Variants in CFAP54 observed in about 807,000 individuals in gnomAD.
CFAP54 encodes cilia- and flagella-associated protein 54.
In CFAP54, 290 loss-of-function variants were observed where a neutral mutation model predicts 370.4. That is an observed-to-expected ratio of 0.78 (90% CI 0.71 to 0.86). CFAP54 has a LOEUF of 0.86. Among genes scored for constraint, CFAP54 ranks in the 40% least tolerant of loss-of-function variants. CFAP54 has a pLI of 0.00. For synonymous variants in CFAP54, 1,206 were observed against 1,236.5 expected (o/e 0.98, Z 0.52); for missense variants, 3,399 against 3,528.7 (o/e 0.96, Z 0.93).
intron 60 of CFAP54, among the ~76,000 whole-genome samples, chr12:96,768,047 G>A (rs1016576246): frequency 3.9e-5 from 6 of 152,090 alleles, no homozygotes; most frequent in Non-Finnish European, 5.9e-5. Context: ...TTGGCCAGGT[G>A]CAGTGGCTCA....
intron 5 of CFAP54, among the ~76,000 whole-genome samples, chr12:96,514,120 G>T (rs1441805265): frequency 6.6e-6 from 1 of 152,116 alleles, no homozygotes; most frequent in Non-Finnish European, 1.5e-5. Context: ...ATATACTCCC[G>T]TTGAGACCCT....
At chr12:96,771,877 T>G (rs1958466633) in intron 60 of CFAP54, among the ~76,000 whole-genome samples, 1 of 152,208 alleles carries the variant, frequency 6.6e-6, no homozygotes, top group South Asian at 2.1e-4. Context: ...TCCCCAATTC[T>G]TCTGAAGATG....
intron 47 of CFAP54, among the ~76,000 whole-genome samples, chr12:96,707,532 A>G (rs907339621): frequency 3.9e-5 from 6 of 152,084 alleles, no homozygotes; most frequent in Admixed American, 1.3e-4. Context: ...GGGAGGAAAG[A>G]ATGGGGTAGT....
At chr12:96,614,926 C>T (rs987721918) in intron 26 of CFAP54, among the ~76,000 whole-genome samples, 2 of 152,084 alleles carry the variant, frequency 1.3e-5, no homozygotes, top group Non-Finnish European at 2.9e-5. Context: ...GTGAAAATGG[C>T]CATACTGCCC....
chr12:96,639,025 G>A (rs539528778), intron 32 of CFAP54, among the ~76,000 whole-genome samples: 73 of 152,208 alleles, frequency 4.8e-4, no homozygotes, highest in African/African-American at 1.8e-3. Flanking sequence ...TGTGATGTTA[G>A]GGTGTCAATT....
At chr12:96,512,533 G>A (rs1955184877) in intron 4 of CFAP54, among the ~76,000 whole-genome samples, 2 of 151,526 alleles carry the variant, frequency 1.3e-5, no homozygotes, top group South Asian at 2.1e-4. Flanking sequence ...AGTAGAAACG[G>A]GGTTTTACCA....
intron 22 of CFAP54, among the ~76,000 whole-genome samples, chr12:96,585,502 A>G (rs1234301368): frequency 6.6e-6 from 1 of 151,930 alleles, no homozygotes; most frequent in Non-Finnish European, 1.5e-5. Flanking sequence ...ATTGTAATCT[A>G]CCTTCCATTC....
chr12:96,582,041 G>A (rs1447887517), intron 22 of CFAP54, among the ~76,000 whole-genome samples: 1 of 152,136 alleles, frequency 6.6e-6, no homozygotes, highest in Non-Finnish European at 1.5e-5. Context: ...TAGAGGCAGA[G>A]AGACCTGAGT....
At chr12:96,676,849 C>T (rs1184619312) in intron 39 of CFAP54, among the ~76,000 whole-genome samples, 1 of 152,004 alleles carries the variant, frequency 6.6e-6, no homozygotes, top group Non-Finnish European at 1.5e-5. Flanking sequence ...AAAAGAGACC[C>T]CAGGTTGCTC....
chr12:96,624,644 A>G (rs549811088), intron 28 of CFAP54, among the ~76,000 whole-genome samples: 1 of 152,330 alleles, frequency 6.6e-6, no homozygotes, highest in South Asian at 2.1e-4. Flanking sequence ...ACAAGAGAGT[A>G]TCCAAATTTG....
In CFAP54 at chr12:96,649,904, T is replaced by G; in HGVS notation, c.4704T>G (p.Phe1568Leu). Residue 1568 changes from phenylalanine to leucine, a missense_variant, in exon 35 of 68, where the codon TTT becomes TTG. Transcript: ENST00000524981. ...TTTGTACTGTAGATGCTGAAGAATT[T>G]TCTACATTTATTAATTCCATAATGA... ...KANLPSDAEE[F>L]STFINSIMSD... The G allele has an allele frequency of 6.3e-7, 1 of 1,594,894 alleles. No homozygotes were observed. The highest frequency in any genetic ancestry group is 8.5e-7 in the Non-Finnish European group (1 of 1,170,836).
chr12:96,831,123 G>C (rs1959169858), intron 66 of CFAP54, among the ~76,000 whole-genome samples: 1 of 152,068 alleles, frequency 6.6e-6, no homozygotes, highest in African/African-American at 2.4e-5. Context: ...TAGCAAAATG[G>C]TATTTATTCA....
At chr12:96,565,730 C>T (rs998574864) in intron 19 of CFAP54, among the ~76,000 whole-genome samples, 3 of 152,020 alleles carry the variant, frequency 2.0e-5, no homozygotes, top group African/African-American at 7.2e-5. Flanking sequence ...GGGCAGACAC[C>T]TCATCTTTTG....
At chr12:96,857,652 A>G (rs548057363) in intron 66 of CFAP54, among the ~76,000 whole-genome samples, 3 of 152,102 alleles carry the variant, frequency 2.0e-5, no homozygotes, top group Non-Finnish European at 4.4e-5. Context: ...GTGGGAGGTG[A>G]TTGGATAATG....
At chr12:96,601,599 G>A (rs1257833510) in intron 26 of CFAP54, among the ~76,000 whole-genome samples, 2 of 152,022 alleles carry the variant, frequency 1.3e-5, no homozygotes, top group African/African-American at 4.8e-5. Flanking sequence ...CTTTTTTTTG[G>A]TTGGTATGCT....
chr12:96,742,453 A>G lies in CFAP54; in HGVS notation c.7086A>G (p.Lys2362=). 1 of 1,579,804 alleles carries G rather than the reference A, an allele frequency of 6.3e-7. No homozygotes were observed. Among genetic ancestry groups the G allele is most frequent in the Non-Finnish European group, 8.7e-7 (1 of 1,150,636 alleles). ...VSPGTSVTEN[K]DDSEFLDPIS... is the part of the protein sequence containing the mutation. ...ATATTGTTTAGGTCACTGAAAATAA[A>G]GATGACAGTGAGTTTTTAGATCCTA... The change falls in exon 52 of 68, where the codon AAA becomes AAG. Residue 2362 remains lysine, a synonymous_variant. Coordinates refer to ENST00000524981, the MANE Select transcript of CFAP54 (RefSeq NM_001306084.2).
chr12:96,748,411 A>G (rs1009755074), intron 55 of CFAP54, among the ~76,000 whole-genome samples: 2 of 151,890 alleles, frequency 1.3e-5, no homozygotes, highest in African/African-American at 2.4e-5. Context: ...CCACTGAGAA[A>G]GTGCTGCTGT....
chr12:96,512,939 C>T, intron 4 of CFAP54, 47 bp from the exon 5 acceptor site: 3 of 1,265,878 alleles, frequency 2.4e-6, no homozygotes, highest in Non-Finnish European at 3.2e-6. Context: ...TATAAAATTT[C>T]TATCATTTGA....
chr12:96,521,507 T>C (rs1255625147), intron 6 of CFAP54, among the ~76,000 whole-genome samples: 2 of 55,434 alleles, frequency 3.6e-5, no homozygotes, highest in South Asian at 5.0e-4. Context: ...TGAGGACGTG[T>C]GTGTGTGTGT....
Sources: allele counts gnomAD v4.1 joint callset (sites outside exome capture counted in the v4.1 genomes callset), GRCh38; gene constraint gnomAD v4.1.1; transcripts MANE v1.5; gene names NCBI Gene and HGNC (gene_info 2026-07-23, HGNC 2026-07-21).